Variants in TRIP11 observed in about 807,000 individuals in gnomAD.
TRIP11 encodes the protein thyroid receptor-interacting protein 11.
In TRIP11, 148 loss-of-function variants were observed where a neutral mutation model predicts 223.1. The observed-to-expected ratio is 0.66, with a 90% CI of 0.58 to 0.76. The LOEUF (loss-of-function observed/expected upper bound fraction) is 0.76, where lower values mean the gene tolerates loss of function less well. Among genes scored for constraint, TRIP11 ranks in the 30% least tolerant of loss-of-function variants. The probability of loss-of-function intolerance (pLI) is 0.00; values close to 1 mark genes in which losing one functional copy is unlikely to be tolerated. For synonymous variants in TRIP11, 762 were observed against 772.6 expected (o/e 0.99, Z 0.23); for missense variants, 2,043 against 2,222.0 (o/e 0.92, Z 1.62).
rs115343859 is a variant in TRIP11 at position 92,034,155 on chromosome 14, G to C, written c.140-902C>G. Among the ~76,000 whole-genome samples, 955 of 152,250 alleles carry C rather than the reference G, an allele frequency of 6.3e-3. 14 individuals carry two copies. The highest frequency in any genetic ancestry group is 0.021 in the African/African-American group (883 of 41,530). On this transcript the variant is annotated intron_variant, in intron 1 of 20. Coordinates refer to ENST00000267622, the MANE Select transcript of TRIP11 (RefSeq NM_004239.4). ...AGGGAGCTGGAGGTCAGGTACGGTG[G>C]CTCACCGCCTGTAATCCCAGCACTT...
intron 2 of TRIP11, among the ~76,000 whole-genome samples, chr14:92,028,178 A>T (rs924614117): frequency 1.3e-5 from 2 of 152,172 alleles, no homozygotes. Flanking sequence ...TTTAACTCTG[A>T]TTAATAAATA....
chr14:91,986,251 G>A (rs1595372871), intron 16 of TRIP11, among the ~76,000 whole-genome samples: 1 of 152,098 alleles, frequency 6.6e-6, no homozygotes, highest in East Asian at 1.9e-4. Context: ...TACTAGTGGG[G>A]GCTTAAATGA....
At position 91,977,907 on chromosome 14, in the gene TRIP11, G is replaced by A. The variant is rs1003454948; in HGVS notation, c.5261-1718C>T. Among the ~76,000 whole-genome samples, 3 of 152,020 alleles carry A rather than the reference G, an allele frequency of 2.0e-5. No homozygotes were observed. In the East Asian group the frequency reaches 5.8e-4, roughly 29 times the overall value. On this transcript the variant is annotated intron_variant, in intron 16 of 20. Coordinates refer to ENST00000267622, the MANE Select transcript of TRIP11 (RefSeq NM_004239.4). ...TTGCAAAATGTCATTCATATAATAGGCCAATTTTACCAAAATAGAGATGGT... is the reference window on the plus strand; with the variant it reads ...TTGCAAAATGTCATTCATATAATAGACCAATTTTACCAAAATAGAGATGGT...
In TRIP11 at chr14:91,969,066, T is replaced by A; in HGVS notation, c.*607A>T. On this transcript the variant is annotated 3_prime_UTR_variant, in exon 21 of 21. Transcript: ENST00000267622. ...GTTTGAGGCCAGCCTGGCAACATAG[T>A]GAGACCCCATCTCTATTTAAAACAA... The A allele has an allele frequency of 9.0e-6, 2 of 222,334 alleles. No individual in the cohort carries two copies. Among genetic ancestry groups the A allele is most frequent in the Non-Finnish European group, 1.8e-5 (2 of 111,548 alleles). 13.8% of individuals were successfully genotyped at this position (222,334 alleles called of 1,614,324 possible). A position where few individuals can be genotyped will look rare whatever the true frequency, so the allele number is the denominator to read the frequency against.
At chr14:92,029,280 A>ATTATTTTTT (rs2057230210) in intron 2 of TRIP11, among the ~76,000 whole-genome samples, 1 of 76,798 alleles carries the variant, frequency 1.3e-5, no homozygotes, top group African/African-American at 5.8e-5. Context: ...CCAAAGTATT[A>ATTATTTTTT]TTTTTTTTTT....
chr14:91,999,173 ATACT>A (rs1215544882), intron 13 of TRIP11, 63 bp downstream of exon 13: 13 of 1,533,134 alleles, frequency 8.5e-6, no homozygotes, highest in South Asian at 5.8e-5. Context: ...CATACAAAAA[ATACT>A]TACTGAGTCT....
intron 9 of TRIP11, 124 bp downstream of exon 9, chr14:92,010,862 G>T: frequency 1.1e-6 from 1 of 921,758 alleles, no homozygotes. Context: ...GCATCAGTGA[G>T]ATCAGCTTTA....
At chr14:92,022,904 G>A (rs2057132329) in intron 3 of TRIP11, among the ~76,000 whole-genome samples, 1 of 152,162 alleles carries the variant, frequency 6.6e-6, no homozygotes, top group African/African-American at 2.4e-5. Context: ...CAAATGACAT[G>A]AGATAAATTC....
At chr14:92,014,134 C>T in intron 7 of TRIP11, 81 bp downstream of exon 7, 2 of 1,544,072 alleles carry the variant, frequency 1.3e-6, no homozygotes, top group Non-Finnish European at 1.8e-6. Context: ...ACTAAGTATT[C>T]AGTTAGTGAA....
chr14:91,999,936 T>G (rs2056800680), intron 12 of TRIP11, 32 bp downstream of exon 12: 1 of 1,612,358 alleles, frequency 6.2e-7, no homozygotes, highest in African/African-American at 1.3e-5. Flanking sequence ...ACTTATTGTT[T>G]GATTCATAAT....
At chr14:92,014,159 AAAC>A (rs1225156858) in intron 7 of TRIP11, 53 bp downstream of exon 7, 1 of 1,610,212 alleles carries the variant, frequency 6.2e-7, no homozygotes, top group African/African-American at 1.3e-5. Flanking sequence ...CTGTCTCTAA[AAAC>A]AACTACTATG....
intron 16 of TRIP11, chr14:91,977,209 C>G (rs1389599093): frequency 2.2e-6 from 1 of 453,822 alleles, no homozygotes; most frequent in African/African-American, 2.0e-5. Context: ...AACATGTTTT[C>G]CCCATTCTGT....
At chr14:91,991,853 T>C (rs1002024580) in intron 15 of TRIP11, among the ~76,000 whole-genome samples, 1 of 151,766 alleles carries the variant, frequency 6.6e-6, no homozygotes, top group Non-Finnish European at 1.5e-5. Context: ...GAGGCTGATG[T>C]GGATGGATCA....
chr14:92,003,814 G>A lies in TRIP11; in HGVS notation c.4162C>T (p.His1388Tyr). The A allele has an allele frequency of 1.2e-6, 2 of 1,614,080 alleles. No individual in the cohort carries two copies. The change falls in exon 11 of 21, where the codon CAC becomes TAC. Residue 1388 changes from histidine to tyrosine, a missense_variant. Physicochemically the swap from His to Tyr is moderately conservative, Grantham distance 83. Coordinates refer to ENST00000267622, the MANE Select transcript of TRIP11 (RefSeq NM_004239.4). ...AATSELERKE[H>Y]EQTDSEIKQL... ...TTGATTTCTGAATCGGTTTGTTCGT[G>A]TTCTTTTCTTTCTAGCTCTGAGGTG... is the stretch of plus-strand genomic sequence containing the variant.
At chr14:92,034,741 T>C (rs1265021943) in intron 1 of TRIP11, among the ~76,000 whole-genome samples, 2 of 152,168 alleles carry the variant, frequency 1.3e-5, no homozygotes, top group African/African-American at 2.4e-5. Flanking sequence ...CCTCAAACTC[T>C]CTCGCTTCAG....
At chr14:92,008,340 C>T (rs2056930637) in intron 9 of TRIP11, among the ~76,000 whole-genome samples, 1 of 152,184 alleles carries the variant, frequency 6.6e-6, no homozygotes. Flanking sequence ...AATGTTTAGC[C>T]TCTCTAATTA....
intron 20 of TRIP11, among the ~76,000 whole-genome samples, chr14:91,971,332 G>A (rs757824722): frequency 9.9e-5 from 15 of 152,154 alleles, no homozygotes; most frequent in Non-Finnish European, 1.8e-4. Flanking sequence ...ACAACTTTCC[G>A]AACTCTGGGC....
chr14:92,035,687 C>G (rs2057318488), intron 1 of TRIP11, among the ~76,000 whole-genome samples: 1 of 151,616 alleles, frequency 6.6e-6, no homozygotes, highest in Admixed American at 6.6e-5. Flanking sequence ...AAGTGATTCT[C>G]CCACCTCAGC....
In TRIP11 at chr14:92,016,740, C is replaced by A. The variant is rs2140132366; in HGVS notation, c.658-879G>T. The stretch of plus-strand genomic sequence containing the variant: ...AACAATCCTACAAGATAGGTATTAT[C>A]ATGGTCTCCATTGATAATAAAACAG... On this transcript the variant is annotated intron_variant, in intron 5 of 20. Transcript: ENST00000267622. Among the ~76,000 whole-genome samples the A allele has an allele frequency of 1.3e-5, 2 of 152,272 alleles. 1 individual carries two copies. The highest frequency in any genetic ancestry group is 3.9e-4 in the East Asian group (2 of 5,186).
Sources: gnomAD v4.1 joint callset for allele counts (sites outside exome capture counted in the v4.1 genomes callset) on GRCh38, gnomAD v4.1.1 for gene constraint, MANE v1.5 for transcripts, NCBI Gene and HGNC (gene_info 2026-07-23, HGNC 2026-07-21) for gene names.